The following UROS variants were observed in gnomAD, a reference collection of about 807,000 sequenced individuals.
UROS encodes the protein uroporphyrinogen III synthase.
In UROS, 18 loss-of-function variants were observed where a neutral mutation model predicts 33.0. That is an observed-to-expected ratio of 0.55 (90% CI 0.38 to 0.81). The LOEUF (loss-of-function observed/expected upper bound fraction) is 0.81. Among genes scored for constraint, UROS ranks in the 30% least tolerant of loss-of-function variants. The pLI, the probability that UROS is intolerant of heterozygous loss-of-function variation, is 0.00. For synonymous variants in UROS, 114 were observed against 121.1 expected, an observed-to-expected ratio of 0.94 and a Z score of 0.38; for missense variants, 293 against 314.9, an observed-to-expected ratio of 0.93 and a Z score of 0.53.
In UROS at chr10:125,795,249, T is replaced by C. The variant is rs997894241; in HGVS notation, c.562-271A>G. The C allele has an allele frequency of 2.6e-5, 13 of 498,002 alleles. No individual in the cohort carries two copies. The Admixed American group carries it at 3.9e-4, about 15-fold the overall frequency. The allele number at this position is 498,002 out of a possible 1,614,324, so 30.8% of individuals were successfully genotyped here. ...GAGGACATGGGCATCCCGGAGCTCATGTGCCCAGCAGCCTAGACAATGCCT... is the reference window on the plus strand; with the variant it reads ...GAGGACATGGGCATCCCGGAGCTCACGTGCCCAGCAGCCTAGACAATGCCT... On this transcript the variant is annotated intron_variant, in intron 8 of 9. Coordinates refer to ENST00000368797, the MANE Select transcript of UROS (RefSeq NM_000375.3).
At chr10:125,820,577 C>T in intron 1 of UROS, among the ~76,000 whole-genome samples, 1 of 152,184 alleles carries the variant, frequency 6.6e-6, no homozygotes, top group Non-Finnish European at 1.5e-5. Context: ...TCTGGGCATC[C>T]GTGATCCAGT....
At position 125,798,056 on chromosome 10, in the gene UROS, T is replaced by G; in HGVS notation, c.475+9A>C. 1 of 1,613,828 alleles carries G rather than the reference T, an allele frequency of 6.2e-7. No homozygotes were observed. Among genetic ancestry groups the G allele is most frequent in the Non-Finnish European group, 8.5e-7 (1 of 1,179,724 alleles). Reference sequence around the variant, plus strand: ...GTGGTAAGGGATGCAGTCAAAGCATTCTACTCGCCTTTGTCCTTGAGCGCT... The same window carrying G: ...GTGGTAAGGGATGCAGTCAAAGCATGCTACTCGCCTTTGTCCTTGAGCGCT... On this transcript the variant is annotated intron_variant, in intron 7 of 9. Coordinates refer to ENST00000368797, the MANE Select transcript of UROS (RefSeq NM_000375.3).
rs139575705 is a variant in UROS at position 125,790,666 on chromosome 10, C to T, written c.661-1661G>A. Among the ~76,000 whole-genome samples, 951 of 149,356 alleles carry T rather than the reference C, an allele frequency of 6.4e-3. 10 individuals carry two copies. In the Middle Eastern group the frequency reaches 0.087, roughly 14 times the overall value. On this transcript the variant is annotated intron_variant, in intron 9 of 9. Transcript: ENST00000368797. ...TGTACTAAAAATGCATATAGTAATC[C>T]CAGCTACTTGGGAGGCTGAGGCAGG...
intron 9 of UROS, chr10:125,791,404 C>T (rs947630644): frequency 2.6e-5 from 4 of 152,056 alleles, no homozygotes; most frequent in African/African-American, 7.2e-5. Context: ...CAAAATGGCA[C>T]AACCACTTTG....
At position 125,788,722 on chromosome 10, in the gene UROS, C is replaced by T. The variant is rs1850708305; in HGVS notation, c.*146G>A. 23 of 1,440,018 alleles carry T rather than the reference C, an allele frequency of 1.6e-5. No homozygotes were observed. Among genetic ancestry groups the T allele is most frequent in the South Asian group, 2.9e-5 (2 of 68,056 alleles). The allele number at this position is 1,440,018 out of a possible 1,614,324, so 89.2% of individuals were successfully genotyped here. ...CTGAGGCCAGCCCCAGGTCAGGTCCCGATCCCCGGTCCTCAGGTGCTTCCA... is the reference window on the plus strand; with the variant it reads ...CTGAGGCCAGCCCCAGGTCAGGTCCTGATCCCCGGTCCTCAGGTGCTTCCA... On this transcript the variant is annotated 3_prime_UTR_variant, in exon 10 of 10. Coordinates refer to ENST00000368797, the MANE Select transcript of UROS (RefSeq NM_000375.3).
At chr10:125,817,224 A>AT (rs11431196) in intron 1 of UROS, among the ~76,000 whole-genome samples, 2,068 of 74,056 alleles carry the variant, frequency 0.028, 433 homozygotes, top group East Asian at 0.052. Context: ...TTATAGATGT[A>AT]TTTTTTTTTT....
chr10:125,798,165 C>T lies in UROS; in HGVS notation c.395-20G>A, dbSNP rs747999871. 1.9e-6 allele frequency: 3 copies of T among 1,612,924 alleles called. No individual in the cohort carries two copies. Among genetic ancestry groups the T allele is most frequent in the African/African-American group, 1.3e-5 (1 of 74,984 alleles). On this transcript the variant is annotated intron_variant, in intron 6 of 9. Coordinates refer to ENST00000368797, the MANE Select transcript of UROS (RefSeq NM_000375.3). ...ACTCCCCTGTGAATAAATAACCAGG[C>T]TTTGTGAAAACTCAGGGCCAGTGCC...
chr10:125,801,471 T>C (rs776058013), intron 6 of UROS, among the ~76,000 whole-genome samples: 1 of 152,210 alleles, frequency 6.6e-6, no homozygotes, highest in African/African-American at 2.4e-5. Context: ...CTAAAATAAA[T>C]AGGCATAGCT....
intron 1 of UROS, among the ~76,000 whole-genome samples, chr10:125,820,781 G>A (rs1853805837): frequency 6.6e-6 from 1 of 152,170 alleles, no homozygotes; most frequent in African/African-American, 2.4e-5. Context: ...TTTGGATCCT[G>A]GTCTGAAGCC....
intron 1 of UROS, among the ~76,000 whole-genome samples, chr10:125,820,112 T>C (rs975166040): frequency 7.2e-5 from 11 of 152,254 alleles, no homozygotes; most frequent in African/African-American, 2.7e-4. Context: ...TTTACTCATG[T>C]TAATTACTGG....
chr10:125,802,175 A>C, intron 6 of UROS: 1 of 985,532 alleles, frequency 1.0e-6, no homozygotes, highest in African/African-American at 1.7e-5. Flanking sequence ...GGAGCCAGAC[A>C]AGACCCATCT....
intron 9 of UROS, chr10:125,793,179 T>C (rs2133816436): frequency 6.6e-6 from 1 of 152,364 alleles, no homozygotes; most frequent in Non-Finnish European, 1.5e-5. Flanking sequence ...GCCTGAGTTC[T>C]TGGTTCAGAT....
At chr10:125,800,133 G>A (rs1851706952) in intron 6 of UROS, among the ~76,000 whole-genome samples, 1 of 152,112 alleles carries the variant, frequency 6.6e-6, no homozygotes, top group African/African-American at 2.4e-5. Flanking sequence ...GTCACTGCAG[G>A]CAATTAAGAA....
At chr10:125,803,264 C>T (rs537320737) in intron 6 of UROS, among the ~76,000 whole-genome samples, 11 of 152,156 alleles carry the variant, frequency 7.2e-5, no homozygotes, top group African/African-American at 2.2e-4. Flanking sequence ...ATATGTCAGA[C>T]AATTAAAGGC....
chr10:125,791,776 G>A (rs1025982634), intron 9 of UROS: 2 of 152,148 alleles, frequency 1.3e-5, no homozygotes, highest in African/African-American at 4.8e-5. Flanking sequence ...TAAATCCATG[G>A]AGATGAAAAA....
intron 6 of UROS, among the ~76,000 whole-genome samples, chr10:125,806,693 G>A (rs1270725639): frequency 6.6e-6 from 1 of 152,164 alleles, no homozygotes; most frequent in Non-Finnish European, 1.5e-5. Context: ...TCTACTTCAT[G>A]CTCTCATGGG....
intron 1 of UROS, among the ~76,000 whole-genome samples, chr10:125,822,524 T>C (rs1229781442): frequency 4.6e-5 from 7 of 152,134 alleles, no homozygotes; most frequent in Non-Finnish European, 7.3e-5. Flanking sequence ...GATTTCGCCA[T>C]GTTGGGCAGG....
Position 125,816,217 on chromosome 10 carries a change from A to G in UROS, c.107T>C (p.Leu36Ser). 1.2e-6 allele frequency: 2 copies of G among 1,614,242 alleles called. No individual in the cohort carries two copies. Among genetic ancestry groups the G allele is most frequent in the Non-Finnish European group, 1.7e-6 (2 of 1,180,038 alleles). ...GGGAAGAGACAAAAACTCAAACGAT[A>G]AAACAGGGATCAAAGTGGCTTCAAG... ...YGLEATLIPV[L>S]SFEFLSLPSF... The change falls in exon 3 of 10, where the codon TTA becomes TCA. Residue 36 changes from leucine to serine, a missense_variant. Physicochemically the swap from Leu to Ser is moderately radical, Grantham distance 145. Coordinates refer to ENST00000368797, the MANE Select transcript of UROS (RefSeq NM_000375.3).
chr10:125,795,162 T>C (rs1056007302), intron 8 of UROS, 184 bp from the exon 9 acceptor site: 35 of 652,000 alleles, frequency 5.4e-5, no homozygotes, highest in Non-Finnish European at 8.3e-5. Flanking sequence ...TAGGGAACTG[T>C]TGGAAAGAGC....
Sources: allele counts gnomAD v4.1 joint callset (sites outside exome capture counted in the v4.1 genomes callset), GRCh38; gene constraint gnomAD v4.1.1; transcripts MANE v1.5; gene names NCBI Gene and HGNC (gene_info 2026-07-23, HGNC 2026-07-21).